The following UBL7 variants were observed in gnomAD, a reference collection of about 807,000 sequenced individuals.
UBL7 encodes the protein ubiquitin-like protein 7.
Under a neutral mutation model 41.7 loss-of-function variants are expected in UBL7, and 21 were observed. That is an observed-to-expected ratio of 0.50 (90% CI 0.36 to 0.73). The LOEUF is 0.73. UBL7 is among the 30% of genes least tolerant of loss of function. The probability of loss-of-function intolerance (pLI) is 0.00; values close to 1 mark genes in which losing one functional copy is unlikely to be tolerated. For synonymous variants in UBL7, 157 were observed against 186.9 expected (o/e 0.84, Z 1.31); for missense variants, 403 against 478.4 (o/e 0.84, Z 1.47).
At chr15:74,451,162 A>G (rs1162978823) in intron 5 of UBL7, among the ~76,000 whole-genome samples, 1 of 152,098 alleles carries the variant, frequency 6.6e-6, no homozygotes, top group Non-Finnish European at 1.5e-5. Context: ...GGTGTGCAGG[A>G]CGCCTTCCCT....
At chr15:74,447,257 A>G (rs946391982) in intron 10 of UBL7, among the ~76,000 whole-genome samples, 1 of 152,180 alleles carries the variant, frequency 6.6e-6, no homozygotes, top group African/African-American at 2.4e-5. Flanking sequence ...GACCCCAGAC[A>G]AGTTCCAGGG....
At position 74,456,555 on chromosome 15, in the gene UBL7, G is replaced by T; in HGVS notation, c.301C>A (p.Pro101Thr). The stretch of plus-strand genomic sequence containing the variant: ...CTAAGGGCTGCCCCTCACTCACCCG[G>T]TTTCTGATCAGGTTCAGGCCAGGAC... ...RKSWPEPDQK[P>T]EPVDKVAAMR... The change falls in exon 3 of 11, where the codon CCG becomes ACG. Residue 101 changes from proline (P) to threonine (T), a missense_variant. Pro to Thr is a conservative substitution (Grantham distance 38). Coordinates refer to ENST00000395081, the MANE Select transcript of UBL7 (RefSeq NM_032907.5). The T allele has an allele frequency of 6.2e-7, 1 of 1,613,940 alleles. No individual in the cohort carries two copies. Among genetic ancestry groups the T allele is most frequent in the South Asian group, 1.1e-5 (1 of 91,062 alleles).
Position 74,446,287 on chromosome 15 carries a change from G to C in UBL7, c.1006-60C>G. 1 of 1,593,678 alleles carries C rather than the reference G, an allele frequency of 6.3e-7. No homozygotes were observed. Among genetic ancestry groups the C allele is most frequent in the Non-Finnish European group, 8.6e-7 (1 of 1,167,592 alleles). On this transcript the variant is annotated intron_variant, in intron 10 of 10. Transcript: ENST00000395081. This position sits in a 1 kb window ranked among gnomAD's most constrained non-coding sequence, Gnocchi z 4.1. ...CTGGGATCCAGTGAAGACTCACTTAGGTCTGTGCTTTCCGGGGAAGGAAAG... is the reference window on the plus strand; with the variant it reads ...CTGGGATCCAGTGAAGACTCACTTACGTCTGTGCTTTCCGGGGAAGGAAAG...
intron 3 of UBL7, among the ~76,000 whole-genome samples, chr15:74,454,336 G>A (rs2141321206): frequency 6.6e-6 from 1 of 152,226 alleles, no homozygotes; most frequent in East Asian, 1.9e-4. Flanking sequence ...TTACTGCTCA[G>A]TACAGAGAGA....
chr15:74,447,807 C>T (rs1337942301), intron 10 of UBL7, among the ~76,000 whole-genome samples: 1 of 152,160 alleles, frequency 6.6e-6, no homozygotes, highest in African/African-American at 2.4e-5. Context: ...AAGCCCCTCT[C>T]GTAGGCTCCT....
intron 5 of UBL7, 79 bp from the exon 6 acceptor site, chr15:74,450,938 C>A: frequency 6.9e-7 from 1 of 1,446,026 alleles, no homozygotes. Context: ...CGTCTCAGAG[C>A]AACCAGCTCA....
rs1369547927 is a variant in UBL7 at position 74,461,134 on chromosome 15, A to C, written c.-127T>G. 4 of 997,406 alleles carry C rather than the reference A, an allele frequency of 4.0e-6. No homozygotes were observed. Among genetic ancestry groups the C allele is most frequent in the South Asian group, 4.1e-5 (1 of 24,304 alleles). 61.8% of individuals were successfully genotyped at this position (997,406 alleles called of 1,614,324 possible). ...CGTCCCGCGGAAGGAACCCGGCCGC[A>C]CTGCCGCCGGTGTAAACACTCACTC... On this transcript the variant is annotated 5_prime_UTR_variant, in exon 1 of 11. Coordinates refer to ENST00000395081, the MANE Select transcript of UBL7 (RefSeq NM_032907.5).
At chr15:74,456,400 G>T (rs758032190) in intron 3 of UBL7, 152 bp downstream of exon 3, 4 of 1,009,688 alleles carry the variant, frequency 4.0e-6, no homozygotes, top group Non-Finnish European at 5.7e-6. Context: ...TATCAGCATG[G>T]TCTAATCCAA....
At chr15:74,459,855 C>T (rs1374312057) in intron 1 of UBL7, among the ~76,000 whole-genome samples, 1 of 142,672 alleles carries the variant, frequency 7.0e-6, no homozygotes, top group Non-Finnish European at 1.5e-5. Flanking sequence ...GTGCCACCTA[C>T]TCGGAAGGCT....
rs1414714589 is a variant in UBL7, at chr15:74,460,878, GT to G, written c.-30+158del. 10 of 1,190,006 alleles carry G rather than the reference GT, an allele frequency of 8.4e-6. No homozygotes were observed. In the African/African-American group the frequency reaches 1.4e-4, roughly 17 times the overall value. 73.7% of individuals were successfully genotyped at this position (1,190,006 alleles called of 1,614,324 possible). A position where few individuals can be genotyped will look rare whatever the true frequency, so the allele number is the denominator to read the frequency against. ...CTCAAGTTTATGCCAGAAGGAGGTC[GT>G]TTTATATACCATGTCTCACTTAATC... is the stretch of plus-strand genomic sequence containing the variant. On this transcript the variant is annotated intron_variant, in intron 1 of 10. Coordinates refer to ENST00000395081, the MANE Select transcript of UBL7 (RefSeq NM_032907.5).
Position 74,460,992 on chromosome 15 carries a change from G to A in UBL7, c.-30+45C>T, listed in dbSNP as rs901071296. Reference sequence around the variant, plus strand: ...GTAAAATCACTGGCCCAAGGTCACAGATCGCTAGTAATGGGGCAGGAACAC... The same window carrying A: ...GTAAAATCACTGGCCCAAGGTCACAAATCGCTAGTAATGGGGCAGGAACAC... On this transcript the variant is annotated intron_variant, in intron 1 of 10. Transcript: ENST00000395081. The A allele has an allele frequency of 6.3e-6, 7 of 1,106,592 alleles. No homozygotes were observed. In the African/African-American group the frequency reaches 8.3e-5, roughly 13 times the overall value. 68.5% of individuals were successfully genotyped at this position (1,106,592 alleles called of 1,614,324 possible).
chr15:74,455,941 G>A (rs1015049353), intron 3 of UBL7, among the ~76,000 whole-genome samples: 4 of 152,086 alleles, frequency 2.6e-5, no homozygotes, highest in Admixed American at 1.3e-4. Context: ...TGGCTAACAC[G>A]GTGAAACCCC....
chr15:74,451,827 G>A (rs2061249104), intron 4 of UBL7, among the ~76,000 whole-genome samples: 1 of 151,978 alleles, frequency 6.6e-6, no homozygotes, highest in South Asian at 2.1e-4. Context: ...GGTAACAAAG[G>A]TTTCTCTAGG....
In UBL7 at chr15:74,449,947, C is replaced by T. The variant is rs201527781; in HGVS notation, c.653G>A (p.Arg218Gln). The part of the protein sequence containing the change: ...SSRSMPSSSY[R>Q]DMPGGFLFEG... Reference sequence around the variant, plus strand: ...TTTCAGGCGCTCACCTGGCATATCCCGGTATGAGCTGGAGGGCATGCTCCG... The same window carrying T: ...TTTCAGGCGCTCACCTGGCATATCCTGGTATGAGCTGGAGGGCATGCTCCG... Residue 218 changes from arginine (R) to glutamine (Q), a missense_variant, in exon 7 of 11, where the codon CGG (arginine) becomes CAG (glutamine). By Grantham distance (43) the Arg-to-Gln change is conservative (BLOSUM62 1). Coordinates refer to ENST00000395081, the MANE Select transcript of UBL7 (RefSeq NM_032907.5). The T allele has an allele frequency of 6.8e-6, 11 of 1,611,750 alleles. No homozygotes were observed. The highest frequency in any genetic ancestry group is 2.2e-5 in the East Asian group (1 of 44,852).
In UBL7 at chr15:74,452,375, G is replaced by A; in HGVS notation, c.308C>T (p.Pro103Leu). The change falls in exon 4 of 11, where the codon CCT (proline) becomes CTT (leucine). Residue 103 changes from proline to leucine, a missense_variant. Coordinates refer to ENST00000395081, the MANE Select transcript of UBL7 (RefSeq NM_032907.5). ...TCTCATGGCAGCCACTTTGTCCACA[G>A]GTTCTGGGGGACAAGACATTCAGAG... ...SWPEPDQKPE[P>L]VDKVAAMREF... The A allele has an allele frequency of 6.4e-7, 1 of 1,557,036 alleles. No individual in the cohort carries two copies. The highest frequency in any genetic ancestry group is 8.7e-7 in the Non-Finnish European group (1 of 1,149,354).
intron 1 of UBL7, among the ~76,000 whole-genome samples, chr15:74,459,932 C>CAAAAAAAAA (rs55846825): frequency 0.017 from 313 of 18,268 alleles, 55 homozygotes; most frequent in African/African-American, 0.034. Flanking sequence ...GACTCTGTCG[C>CAAAAAAAAA]AAAAAAAAAA....
Position 74,458,696 on chromosome 15 carries a change from G to T in UBL7, c.172C>A (p.Pro58Thr). 6.2e-7 allele frequency: 1 copy of T among 1,613,374 alleles called. No individual in the cohort carries two copies. The highest frequency in any genetic ancestry group is 8.5e-7 in the Non-Finnish European group (1 of 1,179,602). Residue 58 changes from proline to threonine, a missense_variant, in exon 2 of 11, where the codon CCT becomes ACT. By Grantham distance (38) the Pro-to-Thr change is conservative. Coordinates refer to ENST00000395081, the MANE Select transcript of UBL7 (RefSeq NM_032907.5). ...CAGAGAGACTCACCAATCAGCTCAG[G>T]GTCTGGAACAGACTCCTGGAGTTTG... Reference protein sequence around the residue: ...AGKLQESVPDPELIDLIYCGR... With the variant: ...AGKLQESVPDTELIDLIYCGR...
chr15:74,458,165 T>C (rs1178028937), intron 2 of UBL7, among the ~76,000 whole-genome samples: 1 of 152,108 alleles, frequency 6.6e-6, no homozygotes, highest in Non-Finnish European at 1.5e-5. Flanking sequence ...GAGCGGTGGC[T>C]CATGCCTGTA....
At chr15:74,450,981 G>A in intron 5 of UBL7, 122 bp from the exon 6 acceptor site, 4 of 1,003,842 alleles carry the variant, frequency 4.0e-6, no homozygotes, top group Non-Finnish European at 4.6e-6. Context: ...CAATCTTCAT[G>A]AGAAGTAGAG....
Sources: gnomAD v4.1 joint callset for allele counts (sites outside exome capture counted in the v4.1 genomes callset) on GRCh38, gnomAD v4.1.1 for gene constraint, Gnocchi (gnomAD v3.1) non-coding constraint, MANE v1.5 for transcripts, NCBI Gene and HGNC (gene_info 2026-07-23, HGNC 2026-07-21) for gene names.